SS18: variants seen among roughly 807,000 people sequenced by gnomAD.
The protein encoded by SS18 is protein SSXT.
A neutral mutation model predicts 72.5 loss-of-function variants in SS18; 28 were observed. That is an observed-to-expected ratio of 0.39 (90% CI 0.29 to 0.53). The LOEUF is 0.53. Among genes scored for constraint, SS18 ranks in the 20% least tolerant of loss-of-function variants. The pLI is 0.76. For synonymous variants in SS18, 172 were observed against 164.2 expected (o/e 1.05, Z -0.37); for missense variants, 518 against 535.3 (o/e 0.97, Z 0.32).
intron 3 of SS18, among the ~76,000 whole-genome samples, chr18:26,060,909 T>C (rs1045494665): frequency 6.9e-6 from 1 of 145,524 alleles, no homozygotes; most frequent in African/African-American, 2.6e-5. Flanking sequence ...TGAGCTGAGA[T>C]CGCATCACTG....
At chr18:26,052,599 CAAG>C (rs1404470566) in intron 5 of SS18, 22 bp downstream of exon 5, 1 of 1,578,326 alleles carries the variant, frequency 6.3e-7, no homozygotes. Flanking sequence ...GCACTCTAGT[CAAG>C]AAGGACATAA....
intron 10 of SS18, among the ~76,000 whole-genome samples, chr18:26,022,853 T>C (rs1394248821): frequency 6.6e-6 from 1 of 152,190 alleles, no homozygotes; most frequent in African/African-American, 2.4e-5. Flanking sequence ...AATACTTGTT[T>C]GTCACATAGG....
At chr18:26,089,324 G>C (rs1211488956) in intron 1 of SS18, among the ~76,000 whole-genome samples, 2 of 152,184 alleles carry the variant, frequency 1.3e-5, no homozygotes, top group Non-Finnish European at 2.9e-5. Flanking sequence ...TGTTTGCCAG[G>C]CTGCAGACTT....
In SS18 at chr18:26,035,061, G is replaced by A. The variant is rs764257130; in HGVS notation, c.1040C>T (p.Pro347Leu). Residue 347 changes from proline (P) to leucine (L), a missense_variant, in exon 9 of 11, where the codon CCC (proline) becomes CTC (leucine). Pro to Leu is a moderately conservative substitution (Grantham distance 98). Coordinates refer to ENST00000415083, the MANE Select transcript of SS18 (RefSeq NM_001007559.3). The surrounding 1 kb of genome is among the most constrained non-coding windows in gnomAD (Gnocchi z 4.4). ...CTGCCCTGGGTACTGCTGCTGCTGG[G>A]GTGGATATCCCTGTTGTGGAGGTGG... ...QGPPPQQGYP[P>L]QQQQYPGQQG... The A allele has an allele frequency of 1.2e-6, 2 of 1,613,496 alleles. No individual in the cohort carries two copies. The highest frequency in any genetic ancestry group is 8.5e-7 in the Non-Finnish European group (1 of 1,179,686).
intron 3 of SS18, among the ~76,000 whole-genome samples, chr18:26,071,593 G>T (rs1346165997): frequency 6.6e-6 from 1 of 152,280 alleles, no homozygotes; most frequent in Non-Finnish European, 1.5e-5. Context: ...AACTTTGGGA[G>T]GCCAAGGCAG....
At chr18:26,030,076 T>C (rs1008265321) in intron 10 of SS18, among the ~76,000 whole-genome samples, 1 of 152,226 alleles carries the variant, frequency 6.6e-6, no homozygotes, top group African/African-American at 2.4e-5. Flanking sequence ...GTATCTATCA[T>C]AGCTACCAAG....
intron 10 of SS18, among the ~76,000 whole-genome samples, chr18:26,027,703 A>AAAAAAAACAGAC (rs1555643837): frequency 8.0e-6 from 1 of 124,698 alleles, no homozygotes; most frequent in Non-Finnish European, 1.6e-5. Context: ...AAAAAAAAAA[A>AAAAAAAACAGAC]AGTCTTTTCA....
At position 26,090,502 on chromosome 18, in the gene SS18, T is replaced by G; in HGVS notation, c.68A>C (p.Lys23Thr). The change falls in exon 1 of 11, where the codon AAG becomes ACG. Residue 23 changes from lysine to threonine, a missense_variant and splice_region_variant. By Grantham distance (78) the Lys-to-Thr change is moderately conservative. Transcript: ENST00000415083. ...KGEITPAAIQ[K>T]MLDDNNHLIQ... ...ATCCGCAACCCCGCGCGGTTTCACC[T>G]TCTGAATCGCAGCGGGAGTGATCTC... 1.9e-6 allele frequency: 3 copies of G among 1,573,078 alleles called. No homozygotes were observed. The highest frequency in any genetic ancestry group is 2.6e-6 in the Non-Finnish European group (3 of 1,159,412).
intron 2 of SS18, among the ~76,000 whole-genome samples, chr18:26,086,249 C>G (rs2054613582): frequency 6.6e-6 from 1 of 152,098 alleles, no homozygotes; most frequent in African/African-American, 2.4e-5. Context: ...ACTTTGGTAT[C>G]CATGGGGAGT....
intron 5 of SS18, among the ~76,000 whole-genome samples, chr18:26,045,290 A>G (rs78046606): frequency 6.6e-6 from 1 of 152,274 alleles, no homozygotes; most frequent in East Asian, 1.9e-4. Flanking sequence ...AAAATCTAAA[A>G]TCCTTATGGA....
chr18:26,083,716 G>C (rs944805253), intron 2 of SS18, among the ~76,000 whole-genome samples: 2 of 152,082 alleles, frequency 1.3e-5, no homozygotes, highest in Admixed American at 1.3e-4. Context: ...TAATCTTTCG[G>C]TCTATTGTTG....
chr18:26,022,490 G>C (rs1387002173), intron 10 of SS18, among the ~76,000 whole-genome samples: 1 of 151,544 alleles, frequency 6.6e-6, no homozygotes, highest in Non-Finnish European at 1.5e-5. Context: ...AGGACACACA[G>C]GACAGAGCCA....
rs369918850 is a variant in SS18 at position 26,055,389 on chromosome 18, C to T, written c.385+2200G>A. 2.1e-4 allele frequency among the ~76,000 whole-genome samples: 32 copies of T among 151,988 alleles called. No individual in the cohort carries two copies. The East Asian group carries it at 6.3e-3, about 30-fold the overall frequency. On this transcript the variant is annotated intron_variant, in intron 4 of 10. Coordinates refer to ENST00000415083, the MANE Select transcript of SS18 (RefSeq NM_001007559.3). The stretch of plus-strand genomic sequence containing the variant: ...GGATGAGGCAGGAGAATCGCTTGAA[C>T]CCGGGAGGCAGAGGTTGCAGTGAGC...
chr18:26,071,805 G>A (rs1024413795), intron 3 of SS18, among the ~76,000 whole-genome samples: 1 of 152,008 alleles, frequency 6.6e-6, no homozygotes, highest in Non-Finnish European at 1.5e-5. Flanking sequence ...TCTGGCCTGG[G>A]TGACGGAGTG....
At chr18:26,052,935 T>C in intron 4 of SS18, 90 bp from the exon 5 acceptor site, 2 of 1,000,240 alleles carry the variant, frequency 2.0e-6, no homozygotes, top group South Asian at 1.5e-5. Flanking sequence ...TTTTGCATTA[T>C]TATAGTAATA....
At chr18:26,026,236 G>A (rs942877429) in intron 10 of SS18, among the ~76,000 whole-genome samples, 1 of 152,084 alleles carries the variant, frequency 6.6e-6, no homozygotes, top group Non-Finnish European at 1.5e-5. Context: ...GGACTCAAGC[G>A]ATGCAGATGC....
chr18:26,058,793 T>C (rs147567544), intron 3 of SS18, among the ~76,000 whole-genome samples: 1 of 152,332 alleles, frequency 6.6e-6, no homozygotes, highest in Non-Finnish European at 1.5e-5. Context: ...CACAACTAAA[T>C]CCAGATGAAT....
chr18:26,019,401 CT>C (rs2053304960), intron 10 of SS18, among the ~76,000 whole-genome samples: 1 of 152,152 alleles, frequency 6.6e-6, no homozygotes, highest in African/African-American at 2.4e-5. Context: ...ACTTGAAATA[CT>C]TCTCTACCAT....
intron 10 of SS18, among the ~76,000 whole-genome samples, chr18:26,019,565 CT>C (rs753775222): frequency 6.6e-6 from 1 of 152,012 alleles, no homozygotes; most frequent in Non-Finnish European, 1.5e-5. Flanking sequence ...AATCCCAGCA[CT>C]TTGGGAGGCC....
Sources: gnomAD v4.1 joint callset for allele counts (sites outside exome capture counted in the v4.1 genomes callset) on GRCh38, gnomAD v4.1.1 for gene constraint, Gnocchi (gnomAD v3.1) non-coding constraint, MANE v1.5 for transcripts, NCBI Gene and HGNC (gene_info 2026-07-23, HGNC 2026-07-21) for gene names.